The following ANKS1B variants were observed in gnomAD, a reference collection of about 807,000 sequenced individuals.
ANKS1B encodes the protein ankyrin repeat and sterile alpha motif domain-containing protein 1B.
A neutral mutation model predicts 148.3 loss-of-function variants in ANKS1B; 36 were observed. That is an observed-to-expected ratio of 0.24 (90% CI 0.19 to 0.32). ANKS1B has a LOEUF of 0.32. Among genes scored for constraint, ANKS1B ranks in the 10% least tolerant of loss-of-function variants. ANKS1B has a pLI of 1.00. For synonymous variants in ANKS1B, 542 were observed against 560.8 expected (o/e 0.97, Z 0.47); for missense variants, 1,157 against 1,542.6 (o/e 0.75, Z 4.19).
intron 4 of ANKS1B, among the ~76,000 whole-genome samples, chr12:99,788,996 C>T (rs1003345424): frequency 1.3e-5 from 2 of 152,152 alleles, no homozygotes; most frequent in African/African-American, 4.8e-5. Context: ...TAATCCTTGG[C>T]TTCCAGACAG....
chr12:98,985,471 A>C (rs1046911425), intron 17 of ANKS1B, among the ~76,000 whole-genome samples: 1 of 151,792 alleles, frequency 6.6e-6, no homozygotes, highest in Non-Finnish European at 1.5e-5. Flanking sequence ...TTTTTTGATA[A>C]GTATTTTTAT....
Position 99,167,178 on chromosome 12 carries a change from ACTTAGGGAAAGT to A in ANKS1B, c.2420-12795_2420-12784del, listed in dbSNP as rs202061169. The stretch of plus-strand genomic sequence containing the variant: ...TTTCTAGAAGAAAACTTAGAAAAAA[ACTTAGGGAAAGT>A]CTTAACCTTACAGTAGGCACCAGAA... On this transcript the variant is annotated intron_variant, in intron 14 of 26. Coordinates refer to ENST00000683438, the MANE Select transcript of ANKS1B (RefSeq NM_001352186.2). Among the ~76,000 whole-genome samples the A allele has an allele frequency of 9.1e-4, 138 of 152,208 alleles. 1 individual carries two copies. In the East Asian group the frequency reaches 0.021, roughly 24 times the overall value.
At chr12:99,588,668 T>C (rs2097668659) in intron 9 of ANKS1B, among the ~76,000 whole-genome samples, 1 of 152,138 alleles carries the variant, frequency 6.6e-6, no homozygotes, top group Admixed American at 6.6e-5. Flanking sequence ...TTTTTTTTTA[T>C]TCTATGGAAG....
intron 12 of ANKS1B, among the ~76,000 whole-genome samples, chr12:99,318,133 T>G (rs1025300131): frequency 2.6e-5 from 4 of 152,184 alleles, no homozygotes; most frequent in Admixed American, 6.5e-5. Context: ...TCTCTTTTAT[T>G]GTTGTGTCTC....
chr12:99,487,624 G>A (rs187741234), intron 10 of ANKS1B, among the ~76,000 whole-genome samples: 162 of 148,592 alleles, frequency 1.1e-3, no homozygotes, highest in African/African-American at 2.7e-3. Flanking sequence ...ATGGGGGGGG[G>A]ACATTTTTCA....
At chr12:98,853,500 C>G (rs1160725823) in intron 17 of ANKS1B, among the ~76,000 whole-genome samples, 2 of 152,148 alleles carry the variant, frequency 1.3e-5, no homozygotes, top group African/African-American at 4.8e-5. Context: ...CAGTGTCCAG[C>G]AGGAAGGGGC....
At chr12:99,274,419 T>C (rs141268617) in intron 12 of ANKS1B, among the ~76,000 whole-genome samples, 1 of 152,340 alleles carries the variant, frequency 6.6e-6, no homozygotes, top group East Asian at 1.9e-4. Context: ...AGATTGTCAT[T>C]AGATACTTTT....
At chr12:99,212,639 T>C (rs2083506781) in intron 14 of ANKS1B, among the ~76,000 whole-genome samples, 1 of 152,242 alleles carries the variant, frequency 6.6e-6, no homozygotes, top group Admixed American at 6.5e-5. Context: ...GTCTTTGCAT[T>C]GATGGTTTCT....
intron 8 of ANKS1B, among the ~76,000 whole-genome samples, chr12:99,675,929 G>C (rs1436548411): frequency 6.6e-6 from 1 of 152,068 alleles, no homozygotes; most frequent in African/African-American, 2.4e-5. Flanking sequence ...CATTTTTATA[G>C]TGACTTGTGA....
intron 15 of ANKS1B, among the ~76,000 whole-genome samples, chr12:99,112,972 A>C (rs1311855993): frequency 1.3e-5 from 2 of 152,226 alleles, no homozygotes; most frequent in Non-Finnish European, 2.9e-5. Context: ...CTCACAGATA[A>C]TGCAGATAAT....
chr12:99,355,227 C>G (rs544148904), intron 12 of ANKS1B, among the ~76,000 whole-genome samples: 10 of 152,096 alleles, frequency 6.6e-5, no homozygotes, highest in African/African-American at 2.4e-4. Context: ...ATACTAACTC[C>G]CATTTAATAA....
chr12:99,943,326 G>T (rs753593554), intron 1 of ANKS1B, among the ~76,000 whole-genome samples: 1 of 152,094 alleles, frequency 6.6e-6, no homozygotes, highest in East Asian at 1.9e-4. Context: ...CAAGTAAAAC[G>T]GTTATAAAAC....
chr12:99,157,771 T>C (rs541148155), intron 14 of ANKS1B, among the ~76,000 whole-genome samples: 6 of 152,246 alleles, frequency 3.9e-5, no homozygotes, highest in African/African-American at 9.6e-5. Context: ...GATATATCCA[T>C]GTAACAAATC....
chr12:99,716,455 CCTT>C (rs1006977303), intron 8 of ANKS1B, among the ~76,000 whole-genome samples: 3 of 152,036 alleles, frequency 2.0e-5, no homozygotes, highest in African/African-American at 4.8e-5. Flanking sequence ...CTCCATTACT[CCTT>C]CTTCTCCCTT....
chr12:99,355,745 C>G (rs1410423786), intron 12 of ANKS1B, among the ~76,000 whole-genome samples: 1 of 152,120 alleles, frequency 6.6e-6, no homozygotes, highest in Non-Finnish European at 1.5e-5. Context: ...TCTTCCCTCC[C>G]TACTTAAGAA....
At chr12:99,674,591 G>T (rs76945654) in intron 8 of ANKS1B, among the ~76,000 whole-genome samples, 3,244 of 151,722 alleles carry the variant, frequency 0.021, 126 homozygotes, top group African/African-American at 0.074. Flanking sequence ...ACATGAAAAA[G>T]AAGCACCAAA....
chr12:99,737,213 A>G (rs1356246515), intron 8 of ANKS1B, among the ~76,000 whole-genome samples: 3 of 152,138 alleles, frequency 2.0e-5, no homozygotes, highest in Admixed American at 1.3e-4. Flanking sequence ...GAAAATCAGT[A>G]TATCAAAGGG....
At chr12:99,086,547 G>T (rs552793468) in intron 15 of ANKS1B, among the ~76,000 whole-genome samples, 27 of 152,172 alleles carry the variant, frequency 1.8e-4, no homozygotes, top group African/African-American at 5.8e-4. Flanking sequence ...ACATTATTTT[G>T]ATTTCTGGGG....
intron 1 of ANKS1B, among the ~76,000 whole-genome samples, chr12:99,983,120 G>A (rs1003053823): frequency 1.6e-4 from 25 of 152,272 alleles, no homozygotes; most frequent in Non-Finnish European, 2.2e-4. Flanking sequence ...ATGTTTTAAG[G>A]CGAAGATATG....
Sources: allele counts gnomAD v4.1 joint callset (sites outside exome capture counted in the v4.1 genomes callset), GRCh38; gene constraint gnomAD v4.1.1; transcripts MANE v1.5; gene names NCBI Gene and HGNC (gene_info 2026-07-23, HGNC 2026-07-21).